ECHDC1: variants seen among roughly 807,000 people sequenced by gnomAD.
ECHDC1 encodes the protein ethylmalonyl-CoA decarboxylase.
A neutral mutation model predicts 29.7 loss-of-function variants in ECHDC1; 29 were observed. The observed-to-expected ratio is 0.98, with a 90% CI of 0.73 to 1.33. ECHDC1 has a LOEUF of 1.33. Among genes scored for constraint, ECHDC1 ranks in the 40% most tolerant of loss-of-function variants. The pLI, the probability that ECHDC1 is intolerant of heterozygous loss-of-function variation, is 0.00. For missense variants in ECHDC1, 328 were observed against 350.0 expected (o/e 0.94, Z 0.50); for synonymous variants, 126 against 123.1 (o/e 1.02, Z -0.15).
chr6:127,297,602 T>C (rs1298694718), intron 5 of ECHDC1, among the ~76,000 whole-genome samples: 2 of 152,122 alleles, frequency 1.3e-5, no homozygotes, highest in Non-Finnish European at 1.5e-5. Context: ...TTAGCGGGCT[T>C]CCAGGAAAAA....
At chr6:127,313,633 T>A (rs1782125888) in intron 5 of ECHDC1, 1 of 454,926 alleles carries the variant, frequency 2.2e-6, no homozygotes, top group Non-Finnish European at 4.4e-6. Context: ...TTAATGTATA[T>A]CCAGTATTTT....
chr6:127,308,693 T>C (rs573425621), intron 5 of ECHDC1, among the ~76,000 whole-genome samples: 3 of 152,246 alleles, frequency 2.0e-5, no homozygotes, highest in South Asian at 2.1e-4. Flanking sequence ...GACATCCAAA[T>C]TGGAAAGGAA....
At chr6:127,314,203 A>C (rs1782176580) in intron 5 of ECHDC1, among the ~76,000 whole-genome samples, 1 of 152,218 alleles carries the variant, frequency 6.6e-6, no homozygotes, top group Non-Finnish European at 1.5e-5. Flanking sequence ...AATGGTACTG[A>C]GAAAGCAGTT....
intron 5 of ECHDC1, among the ~76,000 whole-genome samples, chr6:127,299,145 G>A (rs988848399): frequency 6.6e-6 from 1 of 152,084 alleles, no homozygotes; most frequent in African/African-American, 2.4e-5. Context: ...GGGATTGCAG[G>A]CATAAGCCAC....
intron 1 of ECHDC1, among the ~76,000 whole-genome samples, chr6:127,337,492 C>G (rs993684411): frequency 6.6e-6 from 1 of 152,132 alleles, no homozygotes; most frequent in African/African-American, 2.4e-5. Flanking sequence ...TGGAAGCACC[C>G]CCGCTTTAAG....
intron 3 of ECHDC1, chr6:127,326,713 T>C (rs1783374863): frequency 5.3e-6 from 2 of 377,014 alleles, no homozygotes; most frequent in Middle Eastern, 1.7e-3. Flanking sequence ...AATCCCACCC[T>C]CCAAAATATC....
At chr6:127,311,662 T>C (rs1243370850) in intron 5 of ECHDC1, among the ~76,000 whole-genome samples, 10 of 89,060 alleles carry the variant, frequency 1.1e-4, no homozygotes, top group Admixed American at 6.8e-4. Flanking sequence ...TGACAGAGGC[T>C]CTGTCTCAAA....
At chr6:127,329,705 GA>G (rs1328147602) in intron 2 of ECHDC1, 3 of 295,160 alleles carry the variant, frequency 1.0e-5, no homozygotes, top group Non-Finnish European at 2.0e-5. Context: ...GTGACATATT[GA>G]AAAAAATATT....
At chr6:127,331,149 TTC>T in intron 1 of ECHDC1, 119 bp from the exon 2 acceptor site, 2 of 686,688 alleles carry the variant, frequency 2.9e-6, no homozygotes, top group Non-Finnish European at 4.5e-6. Flanking sequence ...ACTTCCCCAT[TTC>T]TTTTTTTTTT....
intron 3 of ECHDC1, among the ~76,000 whole-genome samples, chr6:127,324,772 CCAA>C (rs1366714603): frequency 6.6e-6 from 1 of 151,958 alleles, no homozygotes; most frequent in East Asian, 1.9e-4. Context: ...CTTCCAATGG[CCAA>C]AGCTGGAACA....
chr6:127,328,721 T>C (rs1562329277), intron 2 of ECHDC1, among the ~76,000 whole-genome samples: 1 of 152,194 alleles, frequency 6.6e-6, no homozygotes, highest in African/African-American at 2.4e-5. Flanking sequence ...TAATCACTCA[T>C]AATATTTAAG....
chr6:127,316,604 C>G, intron 3 of ECHDC1, 102 bp from the exon 4 acceptor site: 1 of 864,154 alleles, frequency 1.2e-6, no homozygotes, highest in Non-Finnish European at 1.8e-6. Context: ...AAAAATATGT[C>G]TTTTTTAAAC....
At chr6:127,291,145 C>T (rs1029251352) in intron 5 of ECHDC1, among the ~76,000 whole-genome samples, 2 of 151,690 alleles carry the variant, frequency 1.3e-5, no homozygotes, top group Non-Finnish European at 2.9e-5. Flanking sequence ...GTAAGGAGTT[C>T]GGATTTTATT....
intron 3 of ECHDC1, chr6:127,326,646 A>G (rs758789692): frequency 8.7e-5 from 34 of 390,874 alleles, no homozygotes; most frequent in Non-Finnish European, 1.6e-4. Flanking sequence ...AAAAATAAAC[A>G]GACAAAGTGG....
chr6:127,290,865 C>G (rs1021717645), intron 5 of ECHDC1, among the ~76,000 whole-genome samples: 2 of 151,658 alleles, frequency 1.3e-5, no homozygotes, highest in African/African-American at 4.8e-5. Flanking sequence ...TGCTTTATAG[C>G]AAAAAGAGAA....
At chr6:127,327,232 CTCTTAGG>C in intron 2 of ECHDC1, 88 bp from the exon 3 acceptor site, 1 of 1,377,050 alleles carries the variant, frequency 7.3e-7, no homozygotes, top group South Asian at 1.4e-5. Context: ...GTCAAGCATA[CTCTTAGG>C]TCCTATATTT....
intron 3 of ECHDC1, among the ~76,000 whole-genome samples, chr6:127,322,577 ACT>A (rs1782919632): frequency 6.6e-6 from 1 of 151,278 alleles, no homozygotes; most frequent in Admixed American, 6.6e-5. Flanking sequence ...TGGAATAAAA[ACT>A]CTCTCCATGT....
intron 3 of ECHDC1, among the ~76,000 whole-genome samples, chr6:127,317,688 C>G (rs896720788): frequency 1.3e-5 from 2 of 152,144 alleles, no homozygotes; most frequent in Non-Finnish European, 2.9e-5. Context: ...GTCAATAAGG[C>G]TCAGATTTTT....
chr6:127,322,914 TGA>T (rs1782958456), intron 3 of ECHDC1, among the ~76,000 whole-genome samples: 1 of 152,162 alleles, frequency 6.6e-6, no homozygotes, highest in African/African-American at 2.4e-5. Context: ...TACAACCATT[TGA>T]GAGATGAAAA....
Sources: allele counts gnomAD v4.1 joint callset (sites outside exome capture counted in the v4.1 genomes callset), GRCh38; gene constraint gnomAD v4.1.1; transcripts MANE v1.5; gene names NCBI Gene and HGNC (gene_info 2026-07-23, HGNC 2026-07-21).